The following COL11A2 variants were observed in gnomAD, a reference collection of about 807,000 sequenced individuals.
COL11A2 encodes collagen alpha-2(XI) chain.
A neutral mutation model predicts 273.4 loss-of-function variants in COL11A2; 116 were observed. The observed-to-expected ratio is 0.42, with a 90% CI of 0.36 to 0.49. The LOEUF is 0.49. Ranked by LOEUF, COL11A2 falls within the 20% of genes least tolerant of loss-of-function variation. The probability of loss-of-function intolerance (pLI) is 0.00; values close to 1 mark genes in which losing one functional copy is unlikely to be tolerated. For synonymous variants in COL11A2, 782 were observed against 864.2 expected, an observed-to-expected ratio of 0.90 and a Z score of 1.67; for missense variants, 1,866 against 2,309.0, an observed-to-expected ratio of 0.81 and a Z score of 3.93.
Position 33,171,801 on chromosome 6 carries a change from C to A in COL11A2, c.3062G>T (p.Gly1021Val). 1 of 1,612,956 alleles carries A rather than the reference C, an allele frequency of 6.2e-7. No homozygotes were observed. The highest frequency in any genetic ancestry group is 8.5e-7 in the Non-Finnish European group (1 of 1,179,974). Residue 1021 changes from glycine to valine, a missense_variant, in exon 42 of 66, where the codon GGT becomes GTT. Physicochemically the swap from Gly to Val is moderately radical, Grantham distance 109 (BLOSUM62 -3). Coordinates refer to ENST00000341947, the MANE Select transcript of COL11A2 (RefSeq NM_080680.3). ...PGPAGSPGER[G>V]AAGSGGPIGP... ...AATGGGTCCCCCTGATCCTGCTGCACCTCGTTCCCCAGGGGAGCCCTGAGA... is the reference window on the plus strand; with the variant it reads ...AATGGGTCCCCCTGATCCTGCTGCAACTCGTTCCCCAGGGGAGCCCTGAGA...
rs1772919584 is a variant in COL11A2, at chr6:33,189,946, C to G, written c.83-477G>C. Among the ~76,000 whole-genome samples, 1 of 152,164 alleles carries G rather than the reference C, an allele frequency of 6.6e-6. No homozygotes were observed. The highest frequency in any genetic ancestry group is 1.5e-5 in the Non-Finnish European group (1 of 68,024). ...TCACTCTCTTTCCATATCTCTCACT[C>G]TCTGGGTCTCTGGCATCTGTCCCGT... On this transcript the variant is annotated intron_variant, in intron 1 of 65. Coordinates refer to ENST00000341947, the MANE Select transcript of COL11A2 (RefSeq NM_080680.3). This position sits in a 1 kb window ranked among gnomAD's most constrained non-coding sequence, Gnocchi z 5.6.
chr6:33,177,299 G>T lies in COL11A2; in HGVS notation c.1972-74C>A. 3 of 1,605,574 alleles carry T rather than the reference G, an allele frequency of 1.9e-6. No homozygotes were observed. The highest frequency in any genetic ancestry group is 2.6e-6 in the Non-Finnish European group (3 of 1,173,758). ...ATCCAGCCTCCCGGATTCAAAGCAT[G>T]AGCAACAAGGGCCTGAAACCCTTAA... is the stretch of plus-strand genomic sequence containing the variant. On this transcript the variant is annotated intron_variant, in intron 23 of 65. Coordinates refer to ENST00000341947, the MANE Select transcript of COL11A2 (RefSeq NM_080680.3). The surrounding 1 kb of genome is among the most constrained non-coding windows in gnomAD (Gnocchi z 5.9).
rs1191855783 is a variant in COL11A2, at chr6:33,166,732, C to A, written c.4326G>T (p.Gln1442His). ...GCCCTCTACTCACCATCTCACCCTTCTGCCCAGGGGAGCCCTGAGGCCCAG... is the reference window on the plus strand; with the variant it reads ...GCCCTCTACTCACCATCTCACCCTTATGCCCAGGGGAGCCCTGAGGCCCAG... Reference protein sequence around the residue: ...GLPGPQGSPGQKGEMGIPGAS... With the variant: ...GLPGPQGSPGHKGEMGIPGAS... Residue 1442 changes from glutamine (Q) to histidine (H), a missense_variant, in exon 59 of 66, where the codon CAG becomes CAT. Transcript: ENST00000341947. The surrounding 1 kb of genome is among the most constrained non-coding windows in gnomAD (Gnocchi z 4.8). 6.2e-7 allele frequency: 1 copy of A among 1,613,810 alleles called. No individual in the cohort carries two copies. The highest frequency in any genetic ancestry group is 8.5e-7 in the Non-Finnish European group (1 of 1,180,024).
rs1769369201 is a variant in COL11A2 at position 33,167,680 on chromosome 6, T to C, written c.4014+119A>G. Reference sequence around the variant, plus strand: ...CGCAGGAACAAGTACAGGGAACGCCTGTCCCCATAAGGGCCCAACATGGGA... The same window carrying C: ...CGCAGGAACAAGTACAGGGAACGCCCGTCCCCATAAGGGCCCAACATGGGA... On this transcript the variant is annotated intron_variant, in intron 55 of 65. Coordinates refer to ENST00000341947, the MANE Select transcript of COL11A2 (RefSeq NM_080680.3). This position sits in a 1 kb window ranked among gnomAD's most constrained non-coding sequence, Gnocchi z 6.1. The C allele has an allele frequency of 1.0e-5, 15 of 1,468,890 alleles. No individual in the cohort carries two copies. Among genetic ancestry groups the C allele is most frequent in the Non-Finnish European group, 1.4e-5 (15 of 1,061,446 alleles). 91.0% of individuals were successfully genotyped at this position (1,468,890 alleles called of 1,614,324 possible).
In COL11A2 at chr6:33,173,074, C is replaced by T; in HGVS notation, c.2776G>A (p.Val926Met). ...GACAAACCTACCTGAGGTCCCACCACTCCTGGAGGACCAGGGGGGCCGGTC... is the reference window on the plus strand; with the variant it reads ...GACAAACCTACCTGAGGTCCCACCATTCCTGGAGGACCAGGGGGGCCGGTC... ...GKTGPPGPPG[V>M]VGPQGAAGET... is the part of the protein sequence containing the mutation. The change falls in exon 38 of 66, where the codon GTG (valine) becomes ATG (methionine). Residue 926 changes from valine (V) to methionine (M), a missense_variant. By Grantham distance (21) the Val-to-Met change is conservative. Transcript: ENST00000341947. This position sits in a 1 kb window ranked among gnomAD's most constrained non-coding sequence, Gnocchi z 6.3. The T allele has an allele frequency of 6.2e-7, 1 of 1,612,632 alleles. No homozygotes were observed. Among genetic ancestry groups the T allele is most frequent in the East Asian group, 2.2e-5 (1 of 44,862 alleles).
At chr6:33,186,587 T>A (rs1456071051) in intron 5 of COL11A2, 40 bp downstream of exon 5, 2 of 1,613,978 alleles carry the variant, frequency 1.2e-6, no homozygotes, top group Non-Finnish European at 1.7e-6. Flanking sequence ...CTTCCCTCTC[T>A]GGGGTGTGCT....
Position 33,166,541 on chromosome 6 carries a change from A to C in COL11A2, c.4364T>G (p.Ile1455Ser). 6.2e-7 allele frequency: 1 copy of C among 1,613,792 alleles called. No homozygotes were observed. The highest frequency in any genetic ancestry group is 1.1e-5 in the South Asian group (1 of 91,080). The change falls in exon 60 of 66, where the codon ATT becomes AGT. Residue 1455 changes from isoleucine (I) to serine (S), a missense_variant. Physicochemically the swap from Ile to Ser is moderately radical, Grantham distance 142. Transcript: ENST00000341947. This position sits in a 1 kb window ranked among gnomAD's most constrained non-coding sequence, Gnocchi z 4.8. Reference protein sequence around the residue: ...EMGIPGASGPIGPGGPPGLPG... With the variant: ...EMGIPGASGPSGPGGPPGLPG... ...GAGGCCGGGGGGACCTCCAGGACCA[A>C]TGGGGCCGGATGCTCCTGGGATACC...
rs1383129394 is a variant in COL11A2, at chr6:33,177,202, G to A, written c.1995C>T (p.Ala665=). 7.4e-6 allele frequency: 12 copies of A among 1,612,906 alleles called. No homozygotes were observed. The highest frequency in any genetic ancestry group is 1.7e-5 in the Admixed American group (1 of 60,012). ...GTQGLPGPQG[A]IGPHGEKGPQ... ...TTACCTTCTCTCCATGAGGGCCGAT[G>A]GCACCCTGGGGCCCGGGAAGACCCT... is the stretch of plus-strand genomic sequence containing the variant. The change falls in exon 24 of 66, where the codon GCC becomes GCT. Residue 665 remains alanine (A), a synonymous_variant. Transcript: ENST00000341947. The surrounding 1 kb of genome is among the most constrained non-coding windows in gnomAD (Gnocchi z 5.9).
At position 33,176,114 on chromosome 6, in the gene COL11A2, T is replaced by C; in HGVS notation, c.2215-45A>G. ...GAGGGCACCACAGATGACAGAGGGCTGGGGTTCTAATGGGAATTCTGAGAA... is the reference window on the plus strand; with the variant it reads ...GAGGGCACCACAGATGACAGAGGGCCGGGGTTCTAATGGGAATTCTGAGAA... On this transcript the variant is annotated intron_variant, in intron 28 of 65. Coordinates refer to ENST00000341947, the MANE Select transcript of COL11A2 (RefSeq NM_080680.3). This position sits in a 1 kb window ranked among gnomAD's most constrained non-coding sequence, Gnocchi z 4.9. 1 of 1,612,134 alleles carries C rather than the reference T, an allele frequency of 6.2e-7. No individual in the cohort carries two copies. Among genetic ancestry groups the C allele is most frequent in the South Asian group, 1.1e-5 (1 of 91,054 alleles).
intron 30 of COL11A2, chr6:33,175,345 T>C (rs1370511408): frequency 1.6e-4 from 105 of 674,664 alleles, no homozygotes; most frequent in Non-Finnish European, 1.4e-5. Context: ...AGCTACTCTC[T>C]AAGCTTCGTC....
chr6:33,170,198 CAGTGGAGGCCTCCCGGG>C lies in COL11A2; in HGVS notation c.3582+111_3583-99del. On this transcript the variant is annotated intron_variant, in intron 48 of 65. Transcript: ENST00000341947. This position sits in a 1 kb window ranked among gnomAD's most constrained non-coding sequence, Gnocchi z 4.3. ...GCAGCCCAAGGTTACAGCAGTGAGGCAGTGGAGGCCTCCCGGGAGTAAGGGCTTCTCTTGGCCCCTGA... is the reference window on the plus strand; with the variant it reads ...GCAGCCCAAGGTTACAGCAGTGAGGCAGTAAGGGCTTCTCTTGGCCCCTGA... 2 of 1,578,074 alleles carry C rather than the reference CAGTGGAGGCCTCCCGGG, an allele frequency of 1.3e-6. No individual in the cohort carries two copies. Among genetic ancestry groups the C allele is most frequent in the Non-Finnish European group, 1.7e-6 (2 of 1,148,868 alleles).
At position 33,178,402 on chromosome 6, in the gene COL11A2, G is replaced by A. The variant is rs776006342; in HGVS notation, c.1773+33C>T. ...CTGCTGTGCCTTCTAGACCTCCCCT[G>A]CACCCAGCCCCTACATTTGCCACTA... On this transcript the variant is annotated intron_variant, in intron 19 of 65. Coordinates refer to ENST00000341947, the MANE Select transcript of COL11A2 (RefSeq NM_080680.3). This position sits in a 1 kb window ranked among gnomAD's most constrained non-coding sequence, Gnocchi z 4.6. The A allele has an allele frequency of 2.0e-5, 32 of 1,612,700 alleles. No individual in the cohort carries two copies. The highest frequency in any genetic ancestry group is 2.6e-5 in the Non-Finnish European group (31 of 1,179,966).
In COL11A2 at chr6:33,178,876, G is replaced by T. The variant is rs1045262299; in HGVS notation, c.1665+44C>A. On this transcript the variant is annotated intron_variant, in intron 17 of 65. Coordinates refer to ENST00000341947, the MANE Select transcript of COL11A2 (RefSeq NM_080680.3). This position sits in a 1 kb window ranked among gnomAD's most constrained non-coding sequence, Gnocchi z 4.6. ...CCCAAGAAACAACTGAGCCCAGCGT[G>T]GGCTGAAGGCTACAGGCTTCAGGGA... 1 of 1,611,738 alleles carries T rather than the reference G, an allele frequency of 6.2e-7. No homozygotes were observed. The highest frequency in any genetic ancestry group is 1.3e-5 in the African/African-American group (1 of 74,864).
chr6:33,169,090 CCTCTCTAGAGG>C lies in COL11A2; in HGVS notation c.3799-93_3799-83del, dbSNP rs1769651228. On this transcript the variant is annotated intron_variant, in intron 51 of 65. Coordinates refer to ENST00000341947, the MANE Select transcript of COL11A2 (RefSeq NM_080680.3). This position sits in a 1 kb window ranked among gnomAD's most constrained non-coding sequence, Gnocchi z 5.5. The stretch of plus-strand genomic sequence containing the variant: ...AGACGCCCACAGGCACACGCCACTG[CCTCTCTAGAGG>C]CAGTGCCCACCAGTACCCCCCAGGA... The C allele has an allele frequency of 7.2e-7, 1 of 1,397,852 alleles. No individual in the cohort carries two copies. The highest frequency in any genetic ancestry group is 9.8e-7 in the Non-Finnish European group (1 of 1,023,056). 86.6% of individuals were successfully genotyped at this position (1,397,852 alleles called of 1,614,324 possible).
Position 33,178,800 on chromosome 6 carries a change from CCT to C in COL11A2, c.1666-70_1666-69del. On this transcript the variant is annotated intron_variant, in intron 17 of 65. Transcript: ENST00000341947. The surrounding 1 kb of genome is among the most constrained non-coding windows in gnomAD (Gnocchi z 4.6). ...CCAAGCCCACCCCTCCCTACTGCACCCTGAGCTGGGGGGGTGCTGATCCTGGG... is the reference window on the plus strand; with the variant it reads ...CCAAGCCCACCCCTCCCTACTGCACCGAGCTGGGGGGGTGCTGATCCTGGG... The C allele has an allele frequency of 5.6e-6, 9 of 1,607,006 alleles. No homozygotes were observed. Among genetic ancestry groups the C allele is most frequent in the Non-Finnish European group, 7.7e-6 (9 of 1,174,666 alleles).
chr6:33,173,342 A>G lies in COL11A2; in HGVS notation c.2736+6T>C. The G allele has an allele frequency of 6.2e-7, 1 of 1,611,226 alleles. No homozygotes were observed. Among genetic ancestry groups the G allele is most frequent in the Non-Finnish European group, 8.5e-7 (1 of 1,179,736 alleles). ...CTGAGAATGGGTAGCCAGGAGCATC[A>G]CTCACCACTTCTCCTCTTTGGCCTG... On this transcript the variant is annotated splice_donor_region_variant and intron_variant, in intron 37 of 65. Transcript: ENST00000341947. This position sits in a 1 kb window ranked among gnomAD's most constrained non-coding sequence, Gnocchi z 6.3.
chr6:33,174,537 T>C lies in COL11A2; in HGVS notation c.2420A>G (p.Gln807Arg). The change falls in exon 31 of 66, where the codon CAG becomes CGG. Residue 807 changes from glutamine to arginine, a missense_variant. Transcript: ENST00000341947. ...GGGGCATGGCATCACCTTGGGTCCC[T>C]GACGTCCAGGATAGCCAGGCAGACC... is the stretch of plus-strand genomic sequence containing the variant. Reference protein sequence around the residue: ...VPGLPGYPGRQGPKGSLGFPG... With the variant: ...VPGLPGYPGRRGPKGSLGFPG... 2 of 1,612,574 alleles carry C rather than the reference T, an allele frequency of 1.2e-6. No individual in the cohort carries two copies. The highest frequency in any genetic ancestry group is 1.7e-6 in the Non-Finnish European group (2 of 1,179,922).
chr6:33,177,720 T>A lies in COL11A2; in HGVS notation c.1873-14A>T. 6 of 1,612,686 alleles carry A rather than the reference T, an allele frequency of 3.7e-6. No homozygotes were observed. Among genetic ancestry groups the A allele is most frequent in the Non-Finnish European group, 5.1e-6 (6 of 1,179,950 alleles). On this transcript the variant is annotated splice_polypyrimidine_tract_variant and intron_variant, in intron 21 of 65. Coordinates refer to ENST00000341947, the MANE Select transcript of COL11A2 (RefSeq NM_080680.3). This position sits in a 1 kb window ranked among gnomAD's most constrained non-coding sequence, Gnocchi z 5.9. ...GCCTCGGACGCCCTGAAACACAAGA[T>A]GGGTGTGAGCAGCCTGAAGGTGGCC...
In COL11A2 at chr6:33,170,173, GC is replaced by G; in HGVS notation, c.3583-74del. On this transcript the variant is annotated intron_variant, in intron 48 of 65. Transcript: ENST00000341947. This position sits in a 1 kb window ranked among gnomAD's most constrained non-coding sequence, Gnocchi z 4.3. Reference sequence around the variant, plus strand: ...ATTTCAGGGGCAAAGTCCCAGATGAGCAGCCCAAGGTTACAGCAGTGAGGCA... The same window carrying G: ...ATTTCAGGGGCAAAGTCCCAGATGAGAGCCCAAGGTTACAGCAGTGAGGCA... 1 of 1,603,140 alleles carries G rather than the reference GC, an allele frequency of 6.2e-7. No individual in the cohort carries two copies. Among genetic ancestry groups the G allele is most frequent in the East Asian group, 2.2e-5 (1 of 44,832 alleles).
Sources: gnomAD v4.1 joint callset for allele counts (sites outside exome capture counted in the v4.1 genomes callset) on GRCh38, gnomAD v4.1.1 for gene constraint, Gnocchi (gnomAD v3.1) non-coding constraint, MANE v1.5 for transcripts, NCBI Gene and HGNC (gene_info 2026-07-23, HGNC 2026-07-21) for gene names.